Variants in INTS5 observed in about 807,000 individuals in gnomAD.
INTS5 encodes the protein integrator complex subunit 5, also known as KIAA1698.
INTS5 carries 29 observed loss-of-function variants against 60.0 expected under a neutral mutation model. The observed-to-expected ratio is 0.48, with a 90% CI of 0.36 to 0.66. The LOEUF is 0.66. INTS5 is among the 30% of genes least tolerant of loss of function. The pLI, the probability that INTS5 is intolerant of heterozygous loss-of-function variation, is 0.00. For synonymous variants in INTS5, 588 were observed against 558.8 expected, an observed-to-expected ratio of 1.05 and a Z score of -0.74; for missense variants, 1,129 against 1,307.9, an observed-to-expected ratio of 0.86 and a Z score of 2.11.
In INTS5 at chr11:62,647,815, G is replaced by C. The variant is rs145882789; in HGVS notation, c.2265C>G (p.Gly755=). ...IWSVFHAGVI[G]RGLKPPKFVQ... ...CAAACTTGGGTGGCTTTAAGCCACG[G>C]CCGATGACTCCAGCATGGAAAACTG... The change falls in exon 2 of 2, where the codon GGC becomes GGG. Residue 755 remains glycine, a synonymous_variant. Transcript: ENST00000330574. The C allele has an allele frequency of 2.9e-5, 47 of 1,614,216 alleles. No homozygotes were observed. The highest frequency in any genetic ancestry group is 4.0e-5 in the Non-Finnish European group (47 of 1,180,032).
Position 62,647,133 on chromosome 11 carries a change from G to A in INTS5, c.2947C>T (p.Pro983Ser), listed in dbSNP as rs1247178376. Residue 983 changes from proline (P) to serine (S), a missense_variant, in exon 2 of 2, where the codon CCC becomes TCC. Around this residue, in one of 3 missense-constraint regions of INTS5, gnomAD observed 1,070 missense variants for 1,246.1 expected, o/e 0.86. Coordinates refer to ENST00000330574, the MANE Select transcript of INTS5 (RefSeq NM_030628.2). Reference protein sequence around the residue: ...FSREGGGEGGPHLAVLHSVLH... With the variant: ...FSREGGGEGGSHLAVLHSVLH... Reference sequence around the variant, plus strand: ...ACACTGTGCAGCACAGCCAGATGGGGTCCACCCTCACCTCCACCCTCCCTG... The same window carrying A: ...ACACTGTGCAGCACAGCCAGATGGGATCCACCCTCACCTCCACCCTCCCTG... The A allele has an allele frequency of 6.2e-7, 1 of 1,614,148 alleles. No homozygotes were observed. The highest frequency in any genetic ancestry group is 2.2e-5 in the East Asian group (1 of 44,870).
chr11:62,651,281 T>G (rs537326994), intron 1 of INTS5, among the ~76,000 whole-genome samples: 1 of 149,284 alleles, frequency 6.7e-6, no homozygotes, highest in African/African-American at 2.5e-5. Context: ...CGGCTAATAT[T>G]TTTTTTTTTA....
rs771065576 is a variant in INTS5, at chr11:62,647,095, G to T, written c.2985C>A (p.Asn995Lys). Residue 995 changes from asparagine to lysine, a missense_variant, in exon 2 of 2, where the codon AAC becomes AAA. By Grantham distance (94) the Asn-to-Lys change is moderately conservative. Around this residue, in one of 3 missense-constraint regions of INTS5, gnomAD observed 1,070 missense variants for 1,246.1 expected, o/e 0.86. Transcript: ENST00000330574. ...CAGAGAAAAGACCTAGGCGGTCGAT[G>T]TTGCGGTGGAGGACACTGTGCAGCA... is the stretch of plus-strand genomic sequence containing the variant. ...LAVLHSVLHR[N>K]IDRLGLFSGR... The T allele has an allele frequency of 1.2e-6, 2 of 1,614,092 alleles. No individual in the cohort carries two copies. Among genetic ancestry groups the T allele is most frequent in the African/African-American group, 2.7e-5 (2 of 74,940 alleles).
Position 62,647,531 on chromosome 11 carries a change from C to T in INTS5, c.2549G>A (p.Arg850His), listed in dbSNP as rs778487483. 6.2e-7 allele frequency: 1 copy of T among 1,612,482 alleles called. No homozygotes were observed. The highest frequency in any genetic ancestry group is 8.5e-7 in the Non-Finnish European group (1 of 1,179,384). Residue 850 changes from arginine to histidine, a missense_variant, in exon 2 of 2, where the codon CGC becomes CAC. Physicochemically the swap from Arg to His is conservative, Grantham distance 29 (BLOSUM62 0). This residue lies in a region of INTS5 where 1,070 missense variants were observed against 1,246.1 expected (regional missense o/e 0.86). Coordinates refer to ENST00000330574, the MANE Select transcript of INTS5 (RefSeq NM_030628.2). ...AAAGAGCAGGGGCTGTTCGCGGAAG[C>T]GCCGGCCAATGCGGAGATCCCGCTC... is the stretch of plus-strand genomic sequence containing the variant. ...TVERDLRIGR[R>H]FREQPLLFEL...
Position 62,648,422 on chromosome 11 carries a change from G to A in INTS5, c.1658C>T (p.Ala553Val). The part of the protein sequence containing the change: ...VVSLSGLLPL[A>V]FRSCLARVHA... ...CACCCGAGCCAGACAGCTTCGGAAA[G>A]CCAGGGGCAGGAGGCCAGAGAGGCT... is the stretch of plus-strand genomic sequence containing the variant. The change falls in exon 2 of 2, where the codon GCT becomes GTT. Residue 553 changes from alanine to valine, a missense_variant. By Grantham distance (64) the Ala-to-Val change is moderately conservative. Transcript: ENST00000330574. The surrounding 1 kb of genome is among the most constrained non-coding windows in gnomAD (Gnocchi z 4.4). 1.2e-6 allele frequency: 2 copies of A among 1,614,236 alleles called. No homozygotes were observed. The highest frequency in any genetic ancestry group is 1.1e-5 in the South Asian group (1 of 91,090).
intron 1 of INTS5, 65 bp from the exon 2 acceptor site, chr11:62,650,064 G>A: frequency 2.3e-6 from 3 of 1,297,800 alleles, no homozygotes; most frequent in Non-Finnish European, 3.3e-6. Flanking sequence ...TACCTTTCCT[G>A]TATGAGCTTT....
chr11:62,650,825 A>G (rs1358826831), intron 1 of INTS5, among the ~76,000 whole-genome samples: 1 of 151,956 alleles, frequency 6.6e-6, no homozygotes, highest in Non-Finnish European at 1.5e-5. Flanking sequence ...CTCCCATCTC[A>G]GCCTCCTGAG....
rs1481862313 is a variant in INTS5 at position 62,650,015 on chromosome 11, A to T, written c.81-16T>A. 3 of 1,600,916 alleles carry T rather than the reference A, an allele frequency of 1.9e-6. No individual in the cohort carries two copies. The South Asian group carries it at 3.3e-5, about 18-fold the overall frequency. ...CTCCTGAGCACTACAAGGAAGCAAA[A>T]GAAACAGACTTAAGAGTGTTGTGAG... On this transcript the variant is annotated splice_polypyrimidine_tract_variant and intron_variant, in intron 1 of 1. Coordinates refer to ENST00000330574, the MANE Select transcript of INTS5 (RefSeq NM_030628.2).
In INTS5 at chr11:62,649,133, A is replaced by G. The variant is rs970510035; in HGVS notation, c.947T>C (p.Met316Thr). Residue 316 changes from methionine (M) to threonine (T), a missense_variant, in exon 2 of 2, where the codon ATG becomes ACG. Transcript: ENST00000330574. The surrounding 1 kb of genome is among the most constrained non-coding windows in gnomAD (Gnocchi z 6.0). ...GDSIRRELLR[M>T]FHDSLAGGSG... ...TCCCCCTGCCAGGCTATCATGGAAC[A>G]TTCGCAGGAGCTCCCGTCGGATGCT... 6.2e-7 allele frequency: 1 copy of G among 1,612,952 alleles called. No homozygotes were observed. Among genetic ancestry groups the G allele is most frequent in the Non-Finnish European group, 8.5e-7 (1 of 1,179,058 alleles).
Position 62,647,380 on chromosome 11 carries a change from G to A in INTS5, c.2700C>T (p.Ser900=). Reference sequence around the variant, plus strand: ...TGCAGGATGCCTCCAGGTGCCAGGGGGAGTGGGTCGTGTCAGGGTGGCGAG... The same window carrying A: ...TGCAGGATGCCTCCAGGTGCCAGGGAGAGTGGGTCGTGTCAGGGTGGCGAG... ...EASRHPDTTH[S]PWHLEASCTL... The change falls in exon 2 of 2, where the codon TCC becomes TCT. Residue 900 remains serine (S), a synonymous_variant. Transcript: ENST00000330574. The A allele has an allele frequency of 6.2e-7, 1 of 1,613,192 alleles. No homozygotes were observed. The highest frequency in any genetic ancestry group is 8.5e-7 in the Non-Finnish European group (1 of 1,179,700).
In INTS5 at chr11:62,648,827, G is replaced by A. The variant is rs772318330; in HGVS notation, c.1253C>T (p.Ser418Leu). The A allele has an allele frequency of 8.1e-6, 13 of 1,614,050 alleles. No individual in the cohort carries two copies. The highest frequency in any genetic ancestry group is 1.1e-5 in the Non-Finnish European group (13 of 1,180,026). Reference sequence around the variant, plus strand: ...AGCCAGGCCCTGGGTGGTAATGACCGAAGCAGGCATAGCTGTGTCCACCAG... The same window carrying A: ...AGCCAGGCCCTGGGTGGTAATGACCAAAGCAGGCATAGCTGTGTCCACCAG... Reference protein sequence around the residue: ...QFLVDTAMPASVITTQGLAVP... With the variant: ...QFLVDTAMPALVITTQGLAVP... The change falls in exon 2 of 2, where the codon TCG becomes TTG. Residue 418 changes from serine (S) to leucine (L), a missense_variant. By Grantham distance (145) the Ser-to-Leu change is moderately radical. Around this residue, in one of 3 missense-constraint regions of INTS5, gnomAD observed 1,070 missense variants for 1,246.1 expected, o/e 0.86. Coordinates refer to ENST00000330574, the MANE Select transcript of INTS5 (RefSeq NM_030628.2). This position sits in a 1 kb window ranked among gnomAD's most constrained non-coding sequence, Gnocchi z 4.4.
At position 62,648,558 on chromosome 11, in the gene INTS5, C is replaced by T. The variant is rs773292747; in HGVS notation, c.1522G>A (p.Val508Ile). 7 of 1,614,158 alleles carry T rather than the reference C, an allele frequency of 4.3e-6. No homozygotes were observed. The East Asian group carries it at 1.1e-4, about 26-fold the overall frequency. Residue 508 changes from valine to isoleucine, a missense_variant, in exon 2 of 2, where the codon GTC becomes ATC. Val to Ile is a conservative substitution (Grantham distance 29, BLOSUM62 3). Around this residue, in one of 3 missense-constraint regions of INTS5, gnomAD observed 1,070 missense variants for 1,246.1 expected, o/e 0.86. Transcript: ENST00000330574. This position sits in a 1 kb window ranked among gnomAD's most constrained non-coding sequence, Gnocchi z 4.4. ...GGTCCACAGCTAGGCCGGGTATAGA[C>T]AGACAGCAGGCCCAAGAGCTGGTGC... ...WQHQLLGLLSVYTRPSCGPEA... is the reference protein window; with the variant it reads ...WQHQLLGLLSIYTRPSCGPEA...
chr11:62,649,583 A>C lies in INTS5; in HGVS notation c.497T>G (p.Val166Gly). Reference sequence around the variant, plus strand: ...ATTAAGAGCGCCAGTAGCGTGGGGAACACGCTGGTGCTGGCCTGAGTACGT... The same window carrying C: ...ATTAAGAGCGCCAGTAGCGTGGGGACCACGCTGGTGCTGGCCTGAGTACGT... ...SSTYSGQHQR[V>G]PHATGALNEL... Residue 166 changes from valine to glycine, a missense_variant, in exon 2 of 2, where the codon GTT (valine) becomes GGT (glycine). This residue lies in a region of INTS5 where 1,070 missense variants were observed against 1,246.1 expected (regional missense o/e 0.86). Coordinates refer to ENST00000330574, the MANE Select transcript of INTS5 (RefSeq NM_030628.2). The surrounding 1 kb of genome is among the most constrained non-coding windows in gnomAD (Gnocchi z 6.0). 1 of 1,614,198 alleles carries C rather than the reference A, an allele frequency of 6.2e-7. No individual in the cohort carries two copies. The highest frequency in any genetic ancestry group is 8.5e-7 in the Non-Finnish European group (1 of 1,180,008).
chr11:62,648,934 C>G lies in INTS5; in HGVS notation c.1146G>C (p.Glu382Asp). ...CCAGGTTCAACATGTTGTCCAGCTC[C>G]TCTCGGGGGAATCCTTGAAGGTGTT... ...LQQHLQGFPREELDNMLNLAV... is the reference protein window; with the variant it reads ...LQQHLQGFPRDELDNMLNLAV... The change falls in exon 2 of 2, where the codon GAG becomes GAC. Residue 382 changes from glutamate (E) to aspartate (D), a missense_variant. By Grantham distance (45) the Glu-to-Asp change is conservative (BLOSUM62 2). This residue lies in a region of INTS5 where 1,070 missense variants were observed against 1,246.1 expected (regional missense o/e 0.86). Transcript: ENST00000330574. This position sits in a 1 kb window ranked among gnomAD's most constrained non-coding sequence, Gnocchi z 4.4. The G allele has an allele frequency of 2.5e-6, 4 of 1,612,864 alleles. No homozygotes were observed. The highest frequency in any genetic ancestry group is 3.4e-6 in the Non-Finnish European group (4 of 1,179,352).
chr11:62,653,138 G>C (rs1944609742), intron 1 of INTS5, 32 bp downstream of exon 1: 11 of 1,216,034 alleles, frequency 9.0e-6, no homozygotes, highest in Non-Finnish European at 1.1e-5. Context: ...GGGGCCGCGC[G>C]ATGGGGGGAA....
At position 62,647,037 on chromosome 11, in the gene INTS5, GGA is replaced by G; in HGVS notation, c.3041_3042del (p.Leu1014ProfsTer56). ...GRFQAPSPSTLLRQGT is the reference protein window; with the variant it reads ...GRFQAPSPSTXLRQGT ...AGAAAAGGCTACGTCCCCTGTCGAA[GGA>G]GAGTGGACGGTGAAGGTGCCTGGAA... On this transcript the variant is annotated frameshift_variant, in exon 2 of 2. Coordinates refer to ENST00000330574, the MANE Select transcript of INTS5 (RefSeq NM_030628.2). LOFTEE classifies it high-confidence loss of function. 1 of 1,610,950 alleles carries G rather than the reference GGA, an allele frequency of 6.2e-7. No individual in the cohort carries two copies. Among genetic ancestry groups the G allele is most frequent in the East Asian group, 2.2e-5 (1 of 44,794 alleles).
At position 62,647,214 on chromosome 11, in the gene INTS5, A is replaced by G. The variant is rs781099197; in HGVS notation, c.2866T>C (p.Leu956=). The change falls in exon 2 of 2, where the codon TTG becomes CTG. Residue 956 remains leucine (L), a synonymous_variant. Coordinates refer to ENST00000330574, the MANE Select transcript of INTS5 (RefSeq NM_030628.2). The part of the protein sequence containing the change: ...VWGFLREHGP[L]PQKFIFQSER... Reference sequence around the variant, plus strand: ...GATTGGAAGATGAACTTCTGAGGCAAGGGCCCATGCTCCCGGAGAAAACCC... The same window carrying G: ...GATTGGAAGATGAACTTCTGAGGCAGGGGCCCATGCTCCCGGAGAAAACCC... 1 of 1,614,186 alleles carries G rather than the reference A, an allele frequency of 6.2e-7. No homozygotes were observed. Among genetic ancestry groups the G allele is most frequent in the Admixed American group, 1.7e-5 (1 of 60,018 alleles).
chr11:62,648,412 G>C lies in INTS5; in HGVS notation c.1668C>G (p.Ser556Arg). ...TCCCTGCATGCACCCGAGCCAGACA[G>C]CTTCGGAAAGCCAGGGGCAGGAGGC... is the stretch of plus-strand genomic sequence containing the variant. The part of the protein sequence containing the change: ...LSGLLPLAFR[S>R]CLARVHAGTL... The change falls in exon 2 of 2, where the codon AGC becomes AGG. Residue 556 changes from serine to arginine, a missense_variant. By Grantham distance (110) the Ser-to-Arg change is moderately radical (BLOSUM62 -1). This residue lies in a region of INTS5 where 1,070 missense variants were observed against 1,246.1 expected (regional missense o/e 0.86). Transcript: ENST00000330574. The surrounding 1 kb of genome is among the most constrained non-coding windows in gnomAD (Gnocchi z 4.4). 6.2e-7 allele frequency: 1 copy of C among 1,614,220 alleles called. No individual in the cohort carries two copies. Among genetic ancestry groups the C allele is most frequent in the East Asian group, 2.2e-5 (1 of 44,878 alleles).
Position 62,647,679 on chromosome 11 carries a change from C to T in INTS5, c.2401G>A (p.Ala801Thr). The T allele has an allele frequency of 6.2e-7, 1 of 1,614,082 alleles. No homozygotes were observed. Among genetic ancestry groups the T allele is most frequent in the Non-Finnish European group, 8.5e-7 (1 of 1,180,022 alleles). The change falls in exon 2 of 2, where the codon GCA becomes ACA. Residue 801 changes from alanine (A) to threonine (T), a missense_variant. Coordinates refer to ENST00000330574, the MANE Select transcript of INTS5 (RefSeq NM_030628.2). Reference protein sequence around the residue: ...GGTECGECWGAPILSPEAAKA... With the variant: ...GGTECGECWGTPILSPEAAKA... ...GCTGCCTCTGGACTCAAGATGGGTG[C>T]CCCCCAGCATTCCCCACATTCAGTG...
Sources: gnomAD v4.1 joint callset for allele counts (sites outside exome capture counted in the v4.1 genomes callset) on GRCh38, gnomAD v4.1.1 for gene constraint, gnomAD v4.1.1 regional missense constraint, Gnocchi (gnomAD v3.1) non-coding constraint, MANE v1.5 for transcripts, NCBI Gene and HGNC (gene_info 2026-07-23, HGNC 2026-07-21) for gene names.